Variants in OSBPL3 observed in about 807,000 individuals in gnomAD.
OSBPL3 encodes oxysterol binding protein like 3.
In OSBPL3, 65 loss-of-function variants were observed where a neutral mutation model predicts 120.1. The ratio of observed to expected loss-of-function variants is 0.54; its 90% CI spans 0.44 to 0.67. The LOEUF (loss-of-function observed/expected upper bound fraction) is 0.67. OSBPL3 is among the 30% of genes least tolerant of loss of function. OSBPL3 has a pLI of 0.00. For missense variants in OSBPL3, 1,004 were observed against 1,082.1 expected, an observed-to-expected ratio of 0.93 and a Z score of 1.01; for synonymous variants, 416 against 402.6, an observed-to-expected ratio of 1.03 and a Z score of -0.40.
chr7:24,824,358 A>G lies in OSBPL3; in HGVS notation c.1885-4120T>C, dbSNP rs1795452394. Among the ~76,000 whole-genome samples, 1 of 152,172 alleles carries G rather than the reference A, an allele frequency of 6.6e-6. No homozygotes were observed. Among genetic ancestry groups the G allele is most frequent in the African/African-American group, 2.4e-5 (1 of 41,422 alleles). On this transcript the variant is annotated intron_variant, in intron 16 of 22. Coordinates refer to ENST00000313367, the MANE Select transcript of OSBPL3 (RefSeq NM_015550.4). This position sits in a 1 kb window ranked among gnomAD's most constrained non-coding sequence, Gnocchi z 4.9. ...ACTTTATATAAGAGGTCAGGGGAGAAGCAGATAGGAAAAGGAGGTATTTTC... is the reference window on the plus strand; with the variant it reads ...ACTTTATATAAGAGGTCAGGGGAGAGGCAGATAGGAAAAGGAGGTATTTTC...
chr7:24,897,999 T>C (rs756007161), intron 1 of OSBPL3, among the ~76,000 whole-genome samples: 3 of 152,222 alleles, frequency 2.0e-5, no homozygotes, highest in Non-Finnish European at 4.4e-5. Context: ...CAGTAAAATA[T>C]ATAAAGAAAT....
Position 24,852,954 on chromosome 7 carries a change from T to G in OSBPL3, c.1028-320A>C, listed in dbSNP as rs1799354504. Reference sequence around the variant, plus strand: ...AGGGGGCTTATAAAAGCTCTGCACTTTTGGTTCAATTTTGCTATGGACCTA... The same window carrying G: ...AGGGGGCTTATAAAAGCTCTGCACTGTTGGTTCAATTTTGCTATGGACCTA... On this transcript the variant is annotated intron_variant, in intron 10 of 22. Coordinates refer to ENST00000313367, the MANE Select transcript of OSBPL3 (RefSeq NM_015550.4). This position sits in a 1 kb window ranked among gnomAD's most constrained non-coding sequence, Gnocchi z 4.1. Among the ~76,000 whole-genome samples the G allele has an allele frequency of 6.6e-6, 1 of 152,162 alleles. No individual in the cohort carries two copies. Among genetic ancestry groups the G allele is most frequent in the African/African-American group, 2.4e-5 (1 of 41,442 alleles).
At chr7:24,807,913 T>C (rs561178460) in intron 20 of OSBPL3, among the ~76,000 whole-genome samples, 4 of 152,250 alleles carry the variant, frequency 2.6e-5, no homozygotes, top group East Asian at 3.9e-4. Context: ...CCTTTTTTTT[T>C]ATTGAAAGGG....
At chr7:24,941,355 A>T (rs1172857558) in intron 1 of OSBPL3, among the ~76,000 whole-genome samples, 31 of 152,174 alleles carry the variant, frequency 2.0e-4, no homozygotes, top group Admixed American at 2.0e-3. Flanking sequence ...TATTTCTTAA[A>T]GTCTCTACTC....
rs766586968 is a variant in OSBPL3 at position 24,830,774 on chromosome 7, T to C, written c.1878A>G (p.Ser626=). 6.2e-7 allele frequency: 1 copy of C among 1,609,882 alleles called. No individual in the cohort carries two copies. Among genetic ancestry groups the C allele is most frequent in the South Asian group, 1.1e-5 (1 of 89,750 alleles). The stretch of plus-strand genomic sequence containing the variant: ...AAAAATGGTGTACATCTACCTGTTC[T>C]GAAAAAAACTGGAAGCCCTTGTCCT... ...IREDKGFQFF[S]EQVSHHPPIS... is the part of the protein sequence containing the mutation. Residue 626 remains serine, a synonymous_variant, in exon 16 of 23, where the codon TCA becomes TCG. Coordinates refer to ENST00000313367, the MANE Select transcript of OSBPL3 (RefSeq NM_015550.4). The surrounding 1 kb of genome is among the most constrained non-coding windows in gnomAD (Gnocchi z 4.4).
rs1049059789 is a variant in OSBPL3, at chr7:24,804,966, T to C, written c.2445-529A>G. Reference sequence around the variant, plus strand: ...GCCACATAATATCCAGTTGCGTGGATGTATATGAATTTAGACAATTTCCTA... The same window carrying C: ...GCCACATAATATCCAGTTGCGTGGACGTATATGAATTTAGACAATTTCCTA... On this transcript the variant is annotated intron_variant, in intron 21 of 22. Transcript: ENST00000313367. The surrounding 1 kb of genome is among the most constrained non-coding windows in gnomAD (Gnocchi z 5.4). Among the ~76,000 whole-genome samples, 2 of 152,228 alleles carry C rather than the reference T, an allele frequency of 1.3e-5. No homozygotes were observed. Among genetic ancestry groups the C allele is most frequent in the African/African-American group, 4.8e-5 (2 of 41,462 alleles).
At position 24,972,685 on chromosome 7, in the gene OSBPL3, ATAAGAGTTGC is replaced by A. The variant is rs1439091671; in HGVS notation, c.-150+7191_-150+7200del. Among the ~76,000 whole-genome samples, 1 of 152,192 alleles carries A rather than the reference ATAAGAGTTGC, an allele frequency of 6.6e-6. No individual in the cohort carries two copies. The highest frequency in any genetic ancestry group is 2.4e-5 in the African/African-American group (1 of 41,458). Reference sequence around the variant, plus strand: ...TAGGGAGGCATCTACTTCAAATTTAATAAGAGTTGCTGAGATTAAAAAATATATACATACA... The same window carrying A: ...TAGGGAGGCATCTACTTCAAATTTAATGAGATTAAAAAATATATACATACA... On this transcript the variant is annotated intron_variant, in intron 1 of 22. Transcript: ENST00000313367. This position sits in a 1 kb window ranked among gnomAD's most constrained non-coding sequence, Gnocchi z 4.3.
At position 24,947,478 on chromosome 7, in the gene OSBPL3, C is replaced by T. The variant is rs538436378; in HGVS notation, c.-150+32408G>A. On this transcript the variant is annotated intron_variant, in intron 1 of 22. Transcript: ENST00000313367. This position sits in a 1 kb window ranked among gnomAD's most constrained non-coding sequence, Gnocchi z 4.4. The stretch of plus-strand genomic sequence containing the variant: ...CTGCTTTTGCTCCCCACGTGACTAC[C>T]CCTGAAAGCTGCATATTTTTATTTC... Among the ~76,000 whole-genome samples, 1 of 152,262 alleles carries T rather than the reference C, an allele frequency of 6.6e-6. No individual in the cohort carries two copies. Among genetic ancestry groups the T allele is most frequent in the African/African-American group, 2.4e-5 (1 of 41,542 alleles).
rs1464189486 is a variant in OSBPL3, at chr7:24,955,826, A to G, written c.-150+24060T>C. On this transcript the variant is annotated intron_variant, in intron 1 of 22. Transcript: ENST00000313367. The surrounding 1 kb of genome is among the most constrained non-coding windows in gnomAD (Gnocchi z 4.3). Reference sequence around the variant, plus strand: ...ACGCATTAGTAGGCATTCAATAAATATCTACAGAATGAATGTTTTTTAAAA... The same window carrying G: ...ACGCATTAGTAGGCATTCAATAAATGTCTACAGAATGAATGTTTTTTAAAA... Among the ~76,000 whole-genome samples the G allele has an allele frequency of 1.3e-5, 2 of 152,238 alleles. No individual in the cohort carries two copies. Among genetic ancestry groups the G allele is most frequent in the African/African-American group, 4.8e-5 (2 of 41,466 alleles).
intron 11 of OSBPL3, among the ~76,000 whole-genome samples, chr7:24,850,795 T>A (rs973726833): frequency 1.3e-5 from 2 of 152,214 alleles, no homozygotes; most frequent in Non-Finnish European, 2.9e-5. Context: ...GAAGAAAACA[T>A]GGCAACACTG....
intron 12 of OSBPL3, among the ~76,000 whole-genome samples, chr7:24,847,211 A>G (rs1798562996): frequency 6.6e-6 from 1 of 152,304 alleles, no homozygotes; most frequent in African/African-American, 2.4e-5. Flanking sequence ...TTACCGAAAA[A>G]AAATTAACTG....
chr7:24,826,979 T>C (rs1255784855), intron 16 of OSBPL3, among the ~76,000 whole-genome samples: 1 of 152,198 alleles, frequency 6.6e-6, no homozygotes, highest in African/African-American at 2.4e-5. Flanking sequence ...CAGCCATCAC[T>C]TTCCAACTCA....
In OSBPL3 at chr7:24,939,347, T is replaced by C. The variant is rs1812813125; in HGVS notation, c.-150+40539A>G. Among the ~76,000 whole-genome samples, 1 of 152,220 alleles carries C rather than the reference T, an allele frequency of 6.6e-6. No individual in the cohort carries two copies. The highest frequency in any genetic ancestry group is 1.5e-5 in the Non-Finnish European group (1 of 68,038). ...TTTGTTCAGCTATTAGGAAGCTATGTGCTTGAGGAGAGCTTGGGCTCCTCC... is the reference window on the plus strand; with the variant it reads ...TTTGTTCAGCTATTAGGAAGCTATGCGCTTGAGGAGAGCTTGGGCTCCTCC... On this transcript the variant is annotated intron_variant, in intron 1 of 22. Transcript: ENST00000313367. The surrounding 1 kb of genome is among the most constrained non-coding windows in gnomAD (Gnocchi z 4.2).
At position 24,830,702 on chromosome 7, in the gene OSBPL3, C is replaced by A; in HGVS notation, c.1884+66G>T. The A allele has an allele frequency of 7.0e-7, 1 of 1,427,792 alleles. No individual in the cohort carries two copies. Among genetic ancestry groups the A allele is most frequent in the South Asian group, 1.3e-5 (1 of 74,872 alleles). 88.4% of individuals were successfully genotyped at this position (1,427,792 alleles called of 1,614,324 possible). A position where few individuals can be genotyped will look rare whatever the true frequency, so the allele number is the denominator to read the frequency against. On this transcript the variant is annotated intron_variant, in intron 16 of 22. Transcript: ENST00000313367. This position sits in a 1 kb window ranked among gnomAD's most constrained non-coding sequence, Gnocchi z 4.4. ...AGTGAAAGGTGGAAGATAAATATTT[C>A]AGAAGCACATTTAATGGGAGACATA...
At chr7:24,970,104 C>CTTTTTTTTTTTTTTTTTTTTTTTTTTT (rs10540160) in intron 1 of OSBPL3, among the ~76,000 whole-genome samples, 2 of 83,014 alleles carry the variant, frequency 2.4e-5, no homozygotes, top group Admixed American at 1.6e-4. Flanking sequence ...TCGTCCCTTT[C>CTTTTTTTTTTTTTTTTTTTTTTTTTTT]TTTTTTTTTT....
In OSBPL3 at chr7:24,894,909, TCC is replaced by T. The variant is rs1562897174; in HGVS notation, c.-149-2290_-149-2289del. 6.6e-6 allele frequency among the ~76,000 whole-genome samples: 1 copy of T among 152,106 alleles called. No homozygotes were observed. The highest frequency in any genetic ancestry group is 2.4e-5 in the African/African-American group (1 of 41,420). On this transcript the variant is annotated intron_variant, in intron 1 of 22. Coordinates refer to ENST00000313367, the MANE Select transcript of OSBPL3 (RefSeq NM_015550.4). This position sits in a 1 kb window ranked among gnomAD's most constrained non-coding sequence, Gnocchi z 4.1. ...AACAGCCAGGACTTAGTAGGCCAAATCCAATAGCTATCAAAGTTGGCACTTAG... is the reference window on the plus strand; with the variant it reads ...AACAGCCAGGACTTAGTAGGCCAAATAATAGCTATCAAAGTTGGCACTTAG...
rs372060231 is a variant in OSBPL3, at chr7:24,863,927, A to G, written c.674-328T>C. Among the ~76,000 whole-genome samples the G allele has an allele frequency of 5.3e-5, 8 of 152,336 alleles. 1 individual carries two copies. In the East Asian group the frequency reaches 1.2e-3, roughly 22 times the overall value. On this transcript the variant is annotated intron_variant, in intron 7 of 22. Coordinates refer to ENST00000313367, the MANE Select transcript of OSBPL3 (RefSeq NM_015550.4). This position sits in a 1 kb window ranked among gnomAD's most constrained non-coding sequence, Gnocchi z 5.8. ...CATGACAAGAGAGTTGTGAGAATTAAATGAGTTGATATTGCACAGTTCTTA... is the reference window on the plus strand; with the variant it reads ...CATGACAAGAGAGTTGTGAGAATTAGATGAGTTGATATTGCACAGTTCTTA...
In OSBPL3 at chr7:24,817,523, T is replaced by C. The variant is rs572423475; in HGVS notation, c.1949-835A>G. On this transcript the variant is annotated intron_variant, in intron 17 of 22. Transcript: ENST00000313367. This position sits in a 1 kb window ranked among gnomAD's most constrained non-coding sequence, Gnocchi z 4.0. ...TCTGCCAAAAAAAACAAAACAAAAC[T>C]GAAAACGAAAAACAATGGGCTCTCC... Among the ~76,000 whole-genome samples, 1 of 151,788 alleles carries C rather than the reference T, an allele frequency of 6.6e-6. No individual in the cohort carries two copies. Among genetic ancestry groups the C allele is most frequent in the South Asian group, 2.1e-4 (1 of 4,800 alleles).
chr7:24,954,479 T>C (rs1340361264), intron 1 of OSBPL3, among the ~76,000 whole-genome samples: 1 of 152,152 alleles, frequency 6.6e-6, no homozygotes, highest in Admixed American at 6.5e-5. Flanking sequence ...CAGTTAACCT[T>C]GGCATTTCTG....
Sources: allele counts gnomAD v4.1 joint callset (sites outside exome capture counted in the v4.1 genomes callset), GRCh38; gene constraint gnomAD v4.1.1; non-coding constraint Gnocchi (gnomAD v3.1); transcripts MANE v1.5; gene names NCBI Gene and HGNC (gene_info 2026-07-23, HGNC 2026-07-21).